ANKRD33B: variants seen among roughly 807,000 people sequenced by gnomAD.
ANKRD33B encodes the protein ankyrin repeat domain-containing protein 33B.
In ANKRD33B, 6 loss-of-function variants were observed where a neutral mutation model predicts 21.5. The ratio of observed to expected loss-of-function variants is 0.28; its 90% CI spans 0.15 to 0.55. ANKRD33B has a LOEUF of 0.55. ANKRD33B is among the 20% of genes least tolerant of loss of function. ANKRD33B has a pLI of 0.94. For missense variants in ANKRD33B, 698 were observed against 747.2 expected, an observed-to-expected ratio of 0.93 and a Z score of 0.77; for synonymous variants, 347 against 342.4, an observed-to-expected ratio of 1.01 and a Z score of -0.15.
At chr5:10,633,188 A>G (rs912552212) in intron 2 of ANKRD33B, among the ~76,000 whole-genome samples, 1 of 122,632 alleles carries the variant, frequency 8.2e-6, no homozygotes, top group African/African-American at 3.2e-5. Flanking sequence ...CGCAACCTCC[A>G]CCTCCTGGGT....
At chr5:10,595,858 T>G (rs1053270456) in intron 1 of ANKRD33B, among the ~76,000 whole-genome samples, 2 of 152,120 alleles carry the variant, frequency 1.3e-5, no homozygotes, top group Non-Finnish European at 2.9e-5. Flanking sequence ...TTTTTTTGCC[T>G]CCTCTGTGAA....
chr5:10,624,609 G>A (rs1216057738), intron 2 of ANKRD33B: 2 of 384,546 alleles, frequency 5.2e-6, no homozygotes, highest in Admixed American at 6.3e-5. Flanking sequence ...CGGAGGCAGA[G>A]GGGAGAGGGA....
chr5:10,613,690 C>T (rs528794546), intron 1 of ANKRD33B, among the ~76,000 whole-genome samples: 10 of 151,970 alleles, frequency 6.6e-5, no homozygotes, highest in Non-Finnish European at 1.2e-4. Flanking sequence ...CACAAGGTCA[C>T]GAGATTGAAA....
intron 1 of ANKRD33B, among the ~76,000 whole-genome samples, chr5:10,598,518 C>T (rs1029438085): frequency 4.6e-5 from 7 of 152,224 alleles, no homozygotes; most frequent in Admixed American, 6.5e-5. Flanking sequence ...CCATCCGCCT[C>T]GGCCTCCCAA....
chr5:10,590,069 T>C (rs1338488877), intron 1 of ANKRD33B, among the ~76,000 whole-genome samples: 1 of 152,186 alleles, frequency 6.6e-6, no homozygotes, highest in East Asian at 1.9e-4. Flanking sequence ...TCAATTATGC[T>C]GTATTTCTAA....
At chr5:10,646,436 A>G (rs548860484) in intron 3 of ANKRD33B, among the ~76,000 whole-genome samples, 12 of 152,338 alleles carry the variant, frequency 7.9e-5, no homozygotes, top group Admixed American at 3.3e-4. Flanking sequence ...TCCCTAATTT[A>G]TAGCATGACT....
chr5:10,564,720 G>C lies in ANKRD33B; in HGVS notation c.253G>C (p.Glu85Gln). ...GGAGGGCGTCCCGGAAAGCGTCCCG[G>C]AGACGGCGACCCTCCTGCGCGCCGC... The part of the protein sequence containing the change: ...VPEGVPESVP[E>Q]TATLLRAACA... The change falls in exon 1 of 4, where the codon GAG becomes CAG. Residue 85 changes from glutamate (E) to glutamine (Q), a missense_variant. Transcript: ENST00000296657. 3 of 1,533,612 alleles carry C rather than the reference G, an allele frequency of 2.0e-6. No individual in the cohort carries two copies. Among genetic ancestry groups the C allele is most frequent in the Non-Finnish European group, 2.6e-6 (3 of 1,145,882 alleles).
intron 1 of ANKRD33B, among the ~76,000 whole-genome samples, chr5:10,604,819 T>C (rs1736007885): frequency 6.6e-6 from 1 of 152,260 alleles, no homozygotes; most frequent in South Asian, 2.1e-4. Flanking sequence ...ATTTTGTCAT[T>C]ATTCTATCCT....
At chr5:10,566,568 C>T (rs923870469) in intron 1 of ANKRD33B, among the ~76,000 whole-genome samples, 1 of 152,218 alleles carries the variant, frequency 6.6e-6, no homozygotes, top group East Asian at 1.9e-4. Context: ...CTCGCCCAGT[C>T]CCCACTCTAG....
intron 3 of ANKRD33B, among the ~76,000 whole-genome samples, chr5:10,644,019 A>G (rs11951049): frequency 0.42 from 62,879 of 150,768 alleles, 13,385 homozygotes; most frequent in Middle Eastern, 0.55. Flanking sequence ...AAAAAAAAAA[A>G]AAGTGTTGAA....
At position 10,634,023 on chromosome 5, in the gene ANKRD33B, C is replaced by T. The variant is rs150703019; in HGVS notation, c.497-4005C>T. Among the ~76,000 whole-genome samples, 402 of 152,306 alleles carry T rather than the reference C, an allele frequency of 2.6e-3. 1 individual carries two copies. The highest frequency in any genetic ancestry group is 9.0e-3 in the African/African-American group (373 of 41,562). ...AGCCCCTTGAGAGTGGAGTGCCTGC[C>T]TGGATTATTCAGAATTTTTCTTCCA... On this transcript the variant is annotated intron_variant, in intron 2 of 3. Coordinates refer to ENST00000296657, the MANE Select transcript of ANKRD33B (RefSeq NM_001164440.2).
Position 10,652,753 on chromosome 5 carries a change from C to T in ANKRD33B, c.*2640C>T, listed in dbSNP as rs916482327. On this transcript the variant is annotated 3_prime_UTR_variant, in exon 4 of 4. Coordinates refer to ENST00000296657, the MANE Select transcript of ANKRD33B (RefSeq NM_001164440.2). This position sits in a 1 kb window ranked among gnomAD's most constrained non-coding sequence, Gnocchi z 4.1. ...AGTGGACGTGTTGCGGCCCTGCCCC[C>T]GATGTGTTCCAGCCTCATCCAGGTG... 4.2e-5 allele frequency: 9 copies of T among 215,390 alleles called. No homozygotes were observed. Among genetic ancestry groups the T allele is most frequent in the Non-Finnish European group, 6.9e-5 (7 of 100,736 alleles). 13.3% of individuals were successfully genotyped at this position (215,390 alleles called of 1,614,324 possible). A position where few individuals can be genotyped will look rare whatever the true frequency, so the allele number is the denominator to read the frequency against.
rs149955921 is a variant in ANKRD33B at position 10,648,000 on chromosome 5, A to G, written c.638-1266A>G. Among the ~76,000 whole-genome samples the G allele has an allele frequency of 1.8e-4, 28 of 152,314 alleles. No homozygotes were observed. In the East Asian group the frequency reaches 5.4e-3, roughly 29 times the overall value. On this transcript the variant is annotated intron_variant, in intron 3 of 3. Transcript: ENST00000296657. ...TTGACATAGAAAACTAAAACTGACCATCACACCAGGACTGCCAGGTGGTAG... is the reference window on the plus strand; with the variant it reads ...TTGACATAGAAAACTAAAACTGACCGTCACACCAGGACTGCCAGGTGGTAG...
intron 2 of ANKRD33B, among the ~76,000 whole-genome samples, chr5:10,626,972 T>C (rs991077101): frequency 2.0e-5 from 3 of 152,186 alleles, no homozygotes; most frequent in African/African-American, 7.2e-5. Context: ...TGTCTGAGAG[T>C]TGGAAGCTCT....
chr5:10,592,447 T>C (rs1201142049), intron 1 of ANKRD33B, among the ~76,000 whole-genome samples: 4 of 92,378 alleles, frequency 4.3e-5, no homozygotes, highest in Non-Finnish European at 6.6e-5. Flanking sequence ...ACCCCATCTC[T>C]ACTAAAAAAA....
Position 10,590,472 on chromosome 5 carries a change from C to A in ANKRD33B, c.366+25639C>A, listed in dbSNP as rs148028292. Among the ~76,000 whole-genome samples, 728 of 152,316 alleles carry A rather than the reference C, an allele frequency of 4.8e-3. 2 individuals are homozygous for A. The highest frequency in any genetic ancestry group is 0.015 in the South Asian group (72 of 4,822). ...TGGCCTGGGCAGATCATGAATACCA[C>A]TTTTGTCTCCTTAACCCAAGCTTAT... On this transcript the variant is annotated intron_variant, in intron 1 of 3. Transcript: ENST00000296657.
At chr5:10,607,329 TG>T (rs1243673616) in intron 1 of ANKRD33B, among the ~76,000 whole-genome samples, 1 of 152,360 alleles carries the variant, frequency 6.6e-6, no homozygotes, top group African/African-American at 2.4e-5. Flanking sequence ...AGGCCCAGTC[TG>T]GGAGCAGTTG....
At chr5:10,625,091 G>A (rs1489719528) in intron 2 of ANKRD33B, 1 of 244,122 alleles carries the variant, frequency 4.1e-6, no homozygotes, top group Non-Finnish European at 8.3e-6. Flanking sequence ...GAGGCATCAC[G>A]GAATTAAAGT....
chr5:10,642,340 C>T (rs975264596), intron 3 of ANKRD33B, among the ~76,000 whole-genome samples: 2 of 152,122 alleles, frequency 1.3e-5, no homozygotes, highest in African/African-American at 4.8e-5. Context: ...AGATTTGAGA[C>T]TCTCCCTCCC....
Sources: gnomAD v4.1 joint callset for allele counts (sites outside exome capture counted in the v4.1 genomes callset) on GRCh38, gnomAD v4.1.1 for gene constraint, Gnocchi (gnomAD v3.1) non-coding constraint, MANE v1.5 for transcripts, NCBI Gene and HGNC (gene_info 2026-07-23, HGNC 2026-07-21) for gene names.